GSKIP: variants seen among roughly 807,000 people sequenced by gnomAD.
GSKIP encodes GSK3B interacting protein.
A neutral mutation model predicts 11.9 loss-of-function variants in GSKIP; 5 were observed. The observed-to-expected ratio is 0.42, with a 90% CI of 0.22 to 0.89. The LOEUF (loss-of-function observed/expected upper bound fraction) is 0.89. Ranked by LOEUF, GSKIP falls within the 40% of genes least tolerant of loss-of-function variation. The pLI is 0.29. For missense variants in GSKIP, 150 were observed against 166.6 expected, an observed-to-expected ratio of 0.90 and a Z score of 0.55; for synonymous variants, 70 against 62.9, an observed-to-expected ratio of 1.11 and a Z score of -0.54.
chr14:96,377,714 A>T (rs932850315), intron 1 of GSKIP, among the ~76,000 whole-genome samples: 4 of 152,172 alleles, frequency 2.6e-5, no homozygotes, highest in African/African-American at 9.7e-5. Flanking sequence ...CTGCCTCTGT[A>T]ACTCCTGTCA....
rs749841395 is a variant in GSKIP, at chr14:96,382,292, A to T, written c.45A>T (p.Gly15=). 1 of 1,611,352 alleles carries T rather than the reference A, an allele frequency of 6.2e-7. No individual in the cohort carries two copies. Among genetic ancestry groups the T allele is most frequent in the Non-Finnish European group, 8.5e-7 (1 of 1,178,478 alleles). The change falls in exon 3 of 4, where the codon GGA becomes GGT. Residue 15 remains glycine (G), a synonymous_variant. Transcript: ENST00000555181. ...CCATGGAGCTAAGCAGTATGTCAGG[A>T]TTTGAAGAAGGTTCAGAGCTGAACG... ...CNPMELSSMS[G]FEEGSELNGF...
At chr14:96,367,509 A>C (rs931888730) in intron 1 of GSKIP, among the ~76,000 whole-genome samples, 2 of 152,188 alleles carry the variant, frequency 1.3e-5, no homozygotes, top group African/African-American at 4.8e-5. Flanking sequence ...TCAAAGTGAA[A>C]ATTTGCACTC....
At position 96,380,998 on chromosome 14, in the gene GSKIP, A is replaced by C. The variant is rs923900138; in HGVS notation, c.-2+1210A>C. The stretch of plus-strand genomic sequence containing the variant: ...TGTTGATTGAATATGTGAGTGAGTG[A>C]AGAGTTATGCTTCATTCACGACAGC... On this transcript the variant is annotated intron_variant, in intron 2 of 3. Coordinates refer to ENST00000555181, the MANE Select transcript of GSKIP (RefSeq NM_016472.5). Among the ~76,000 whole-genome samples, 3 of 152,208 alleles carry C rather than the reference A, an allele frequency of 2.0e-5. No homozygotes were observed. The East Asian group carries it at 5.8e-4, about 29-fold the overall frequency.
intron 3 of GSKIP, among the ~76,000 whole-genome samples, chr14:96,382,779 A>G (rs1339910694): frequency 6.6e-6 from 1 of 152,182 alleles, no homozygotes; most frequent in Non-Finnish European, 1.5e-5. Flanking sequence ...TTTCTCATCT[A>G]TAGCTAAATG....
At chr14:96,365,798 C>T (rs1179647387) in intron 1 of GSKIP, among the ~76,000 whole-genome samples, 2 of 151,948 alleles carry the variant, frequency 1.3e-5, no homozygotes, top group African/African-American at 4.8e-5. Context: ...TGTGCCACTG[C>T]ACTCCAGCCT....
intron 1 of GSKIP, among the ~76,000 whole-genome samples, chr14:96,369,203 G>A (rs961832742): frequency 1.3e-5 from 2 of 152,190 alleles, no homozygotes; most frequent in African/African-American, 2.4e-5. Context: ...AAATGTCTAA[G>A]CAGCAAAGGG....
intron 3 of GSKIP, among the ~76,000 whole-genome samples, chr14:96,385,175 A>T (rs577704585): frequency 6.6e-6 from 1 of 152,340 alleles, no homozygotes; most frequent in East Asian, 1.9e-4. Context: ...GTTTTAGAAT[A>T]TGAAAATGAA....
At chr14:96,378,706 G>A (rs1337536529) in intron 1 of GSKIP, among the ~76,000 whole-genome samples, 2 of 152,248 alleles carry the variant, frequency 1.3e-5, no homozygotes, top group African/African-American at 4.8e-5. Flanking sequence ...ATGATCACCC[G>A]AGCTCCATTT....
intron 1 of GSKIP, chr14:96,364,923 A>G (rs1203572444): frequency 6.6e-6 from 1 of 152,218 alleles, no homozygotes; most frequent in Non-Finnish European, 1.5e-5. Flanking sequence ...GCAATTTCAA[A>G]TATCAGAAAG....
At chr14:96,367,499 T>C (rs2139927030) in intron 1 of GSKIP, among the ~76,000 whole-genome samples, 1 of 152,324 alleles carries the variant, frequency 6.6e-6, no homozygotes, top group African/African-American at 2.4e-5. Context: ...GGTCAGACTT[T>C]CAAAGTGAAA....
At chr14:96,366,829 G>A (rs937669880) in intron 1 of GSKIP, among the ~76,000 whole-genome samples, 1 of 152,244 alleles carries the variant, frequency 6.6e-6, no homozygotes, top group Non-Finnish European at 1.5e-5. Flanking sequence ...GTGAGAGGCT[G>A]TATGCCAGAG....
intron 1 of GSKIP, among the ~76,000 whole-genome samples, chr14:96,372,105 G>A (rs1174232048): frequency 6.6e-6 from 1 of 152,146 alleles, no homozygotes; most frequent in Non-Finnish European, 1.5e-5. Context: ...AGGCAGTTCT[G>A]TAATATTTCC....
At chr14:96,370,965 G>A (rs1398003810) in intron 1 of GSKIP, among the ~76,000 whole-genome samples, 1 of 152,184 alleles carries the variant, frequency 6.6e-6, no homozygotes, top group Non-Finnish European at 1.5e-5. Flanking sequence ...TTATAAACCA[G>A]AGTATAAATG....
chr14:96,373,609 A>G (rs1390371098), intron 1 of GSKIP, among the ~76,000 whole-genome samples: 1 of 152,158 alleles, frequency 6.6e-6, no homozygotes, highest in Non-Finnish European at 1.5e-5. Flanking sequence ...TTAAAAAAAA[A>G]AAAGAATTAC....
At chr14:96,370,589 C>T (rs1284362146) in intron 1 of GSKIP, among the ~76,000 whole-genome samples, 2 of 152,088 alleles carry the variant, frequency 1.3e-5, no homozygotes, top group South Asian at 2.1e-4. Context: ...TTTTCACTCT[C>T]AGTTTCTGAC....
intron 1 of GSKIP, among the ~76,000 whole-genome samples, chr14:96,366,828 T>C (rs772027514): frequency 1.3e-5 from 2 of 152,238 alleles, no homozygotes; most frequent in Non-Finnish European, 2.9e-5. Flanking sequence ...GGTGAGAGGC[T>C]GTATGCCAGA....
intron 1 of GSKIP, among the ~76,000 whole-genome samples, chr14:96,375,103 G>A (rs544075516): frequency 1.1e-4 from 17 of 152,148 alleles, no homozygotes; most frequent in African/African-American, 4.1e-4. Flanking sequence ...TTAATTGGAG[G>A]TACATTGTGA....
intron 1 of GSKIP, among the ~76,000 whole-genome samples, chr14:96,376,879 A>G (rs1889217254): frequency 6.6e-6 from 1 of 152,186 alleles, no homozygotes. Flanking sequence ...CCAAGTAGAC[A>G]AGATTATAAA....
At chr14:96,369,982 A>G (rs1378843791) in intron 1 of GSKIP, among the ~76,000 whole-genome samples, 1 of 152,188 alleles carries the variant, frequency 6.6e-6, no homozygotes, top group Admixed American at 6.5e-5. Flanking sequence ...GCAGAGTCAT[A>G]GGGATGAGAC....
Sources: allele counts gnomAD v4.1 joint callset (sites outside exome capture counted in the v4.1 genomes callset), GRCh38; gene constraint gnomAD v4.1.1; transcripts MANE v1.5; gene names NCBI Gene and HGNC (gene_info 2026-07-23, HGNC 2026-07-21).